Variants in SLC1A3 observed in about 807,000 individuals in gnomAD.
SLC1A3 encodes solute carrier family 1 member 3.
A neutral mutation model predicts 48.1 loss-of-function variants in SLC1A3; 21 were observed. The ratio of observed to expected loss-of-function variants is 0.44; its 90% CI spans 0.31 to 0.63. SLC1A3 has a LOEUF of 0.63. Ranked by LOEUF, SLC1A3 falls within the 20% of genes least tolerant of loss-of-function variation. SLC1A3 has a pLI of 0.08. For missense variants in SLC1A3, 546 were observed against 689.0 expected, an observed-to-expected ratio of 0.79 and a Z score of 2.32; for synonymous variants, 239 against 251.4, an observed-to-expected ratio of 0.95 and a Z score of 0.47.
intron 3 of SLC1A3, among the ~76,000 whole-genome samples, chr5:36,659,119 T>C (rs1420406221): frequency 2.0e-5 from 3 of 152,214 alleles, no homozygotes; most frequent in African/African-American, 7.2e-5. Context: ...GAAGAATTTA[T>C]TTTACAGAAA....
At chr5:36,615,213 G>A (rs1366458204) in intron 2 of SLC1A3, among the ~76,000 whole-genome samples, 1 of 152,074 alleles carries the variant, frequency 6.6e-6, no homozygotes, top group Admixed American at 6.6e-5. Flanking sequence ...CAACTAACTC[G>A]ATTTTTATGG....
At chr5:36,627,611 A>G (rs1739962026) in intron 2 of SLC1A3, among the ~76,000 whole-genome samples, 1 of 152,248 alleles carries the variant, frequency 6.6e-6, no homozygotes, top group African/African-American at 2.4e-5. Context: ...GGACAAAGTA[A>G]AGCCTGATAC....
rs146381324 is a variant in SLC1A3, at chr5:36,680,222, G to A, written c.1095-173G>A. 5.7e-4 allele frequency: 386 copies of A among 676,836 alleles called. 1 individual carries two copies. Among genetic ancestry groups the A allele is most frequent in the African/African-American group, 1.2e-3 (70 of 56,710 alleles). The allele number at this position is 676,836 out of a possible 1,614,324, so 41.9% of individuals were successfully genotyped here. ...AGCAGGAGAGCTGCCAAATGACCCC[G>A]TGAGGGGACCACACTGTTCTTAACC... On this transcript the variant is annotated intron_variant, in intron 7 of 9. Coordinates refer to ENST00000265113, the MANE Select transcript of SLC1A3 (RefSeq NM_004172.5).
intron 3 of SLC1A3, among the ~76,000 whole-genome samples, chr5:36,651,443 G>C (rs1741067241): frequency 6.6e-6 from 1 of 151,840 alleles, no homozygotes; most frequent in East Asian, 1.9e-4. Context: ...CTCAACTCTG[G>C]GCTCATTCCC....
chr5:36,597,496 C>T (rs1417759931), intron 1 of SLC1A3, among the ~76,000 whole-genome samples: 1 of 152,042 alleles, frequency 6.6e-6, no homozygotes, highest in Non-Finnish European at 1.5e-5. Flanking sequence ...CCAGCCTCGG[C>T]CTCCCAAAGT....
rs1045366809 is a variant in SLC1A3, at chr5:36,680,426, C to T, written c.1126C>T (p.Leu376=). ...SATLPITFKC[L]EENNGVDKRV... ...CACCCTACCCATCACCTTCAAGTGC[C>T]TGGAAGAGAACAATGGCGTGGACAA... The change falls in exon 8 of 10, where the codon CTG becomes TTG. Residue 376 remains leucine (L), a synonymous_variant. Coordinates refer to ENST00000265113, the MANE Select transcript of SLC1A3 (RefSeq NM_004172.5). The T allele has an allele frequency of 2.5e-6, 4 of 1,614,206 alleles. No individual in the cohort carries two copies. The highest frequency in any genetic ancestry group is 3.4e-6 in the Non-Finnish European group (4 of 1,180,030).
intron 1 of SLC1A3, 167 bp from the exon 2 acceptor site, chr5:36,608,162 G>A (rs899736083): frequency 2.2e-6 from 1 of 445,202 alleles, no homozygotes; most frequent in Non-Finnish European, 4.0e-6. Flanking sequence ...CTCACACGTG[G>A]TCCACTAAAA....
chr5:36,651,122 A>G (rs1741042584), intron 3 of SLC1A3, among the ~76,000 whole-genome samples: 1 of 139,208 alleles, frequency 7.2e-6, no homozygotes, highest in African/African-American at 2.8e-5. Flanking sequence ...ATATAAGAGT[A>G]GGGAAACTAA....
chr5:36,680,545 A>G lies in SLC1A3; in HGVS notation c.1245A>G (p.Gln415=), dbSNP rs1297115765. 2.5e-6 allele frequency: 4 copies of G among 1,614,104 alleles called. No homozygotes were observed. The highest frequency in any genetic ancestry group is 1.3e-5 in the African/African-American group (1 of 74,956). The change falls in exon 8 of 10, where the codon CAA becomes CAG. Residue 415 remains glutamine, a synonymous_variant. Coordinates refer to ENST00000265113, the MANE Select transcript of SLC1A3 (RefSeq NM_004172.5). ...YEALAAIFIA[Q]VNNFELNFGQ... ...CTTTGGCTGCCATTTTCATTGCTCA[A>G]GTTAACAACTTTGAACTGAACTTCG...
chr5:36,663,380 A>ATT (rs1156283585), intron 3 of SLC1A3, among the ~76,000 whole-genome samples: 13,079 of 69,366 alleles, frequency 0.19, 1,727 homozygotes, highest in Non-Finnish European at 0.23. Flanking sequence ...CACGCCCGGC[A>ATT]TTTTTTTTTT....
intron 2 of SLC1A3, among the ~76,000 whole-genome samples, chr5:36,620,678 T>C (rs1739626628): frequency 1.3e-5 from 2 of 152,164 alleles, no homozygotes; most frequent in South Asian, 2.1e-4. Context: ...AGGAACTGTT[T>C]GAGGGGCTTG....
chr5:36,618,219 C>T (rs1241101723), intron 2 of SLC1A3, among the ~76,000 whole-genome samples: 2 of 152,172 alleles, frequency 1.3e-5, no homozygotes, highest in Non-Finnish European at 2.9e-5. Context: ...TTGTATGTTA[C>T]ATTCAACTTT....
chr5:36,608,562 C>G lies in SLC1A3; in HGVS notation c.139C>G (p.Arg47Gly). Residue 47 changes from arginine (R) to glycine (G), a missense_variant, in exon 2 of 10, where the codon CGG (arginine) becomes GGG (glycine). Transcript: ENST00000265113. Reference protein sequence around the residue: ...TKEDVKSYLFRNAFVLLTVTA... With the variant: ...TKEDVKSYLFGNAFVLLTVTA... ...GGAGGATGTTAAAAGTTACCTGTTT[C>G]GGAATGCTTTTGTGCTGCTCACAGT... 6.2e-7 allele frequency: 1 copy of G among 1,614,016 alleles called. No individual in the cohort carries two copies. Among genetic ancestry groups the G allele is most frequent in the Non-Finnish European group, 8.5e-7 (1 of 1,179,928 alleles).
intron 3 of SLC1A3, among the ~76,000 whole-genome samples, chr5:36,659,130 A>T (rs1458659465): frequency 6.6e-6 from 1 of 152,168 alleles, no homozygotes; most frequent in East Asian, 1.9e-4. Context: ...TTTACAGAAA[A>T]TCTCCAAGAC....
chr5:36,631,930 T>C (rs1366540237), intron 3 of SLC1A3, among the ~76,000 whole-genome samples: 4 of 152,242 alleles, frequency 2.6e-5, no homozygotes, highest in Non-Finnish European at 5.9e-5. Flanking sequence ...GAGAATGTGT[T>C]GCCTAGGGAA....
At chr5:36,618,811 A>G (rs1023843856) in intron 2 of SLC1A3, among the ~76,000 whole-genome samples, 11 of 152,220 alleles carry the variant, frequency 7.2e-5, no homozygotes, top group African/African-American at 2.4e-4. Flanking sequence ...GGAAGGCAAC[A>G]AGTCCTGCTT....
rs909085936 is a variant in SLC1A3 at position 36,686,911 on chromosome 5, A to G, written c.*642A>G. 1 of 157,124 alleles carries G rather than the reference A, an allele frequency of 6.4e-6. No homozygotes were observed. The highest frequency in any genetic ancestry group is 1.4e-5 in the Non-Finnish European group (1 of 71,498). 9.7% of individuals were successfully genotyped at this position (157,124 alleles called of 1,614,324 possible). A position where few individuals can be genotyped will look rare whatever the true frequency, so the allele number is the denominator to read the frequency against. On this transcript the variant is annotated 3_prime_UTR_variant, in exon 10 of 10. Transcript: ENST00000265113. ...ATGAGGGACTTCCCTAGAAGTCTTCATGGTCTCTTCCAGCCCAGACATCCT... is the reference window on the plus strand; with the variant it reads ...ATGAGGGACTTCCCTAGAAGTCTTCGTGGTCTCTTCCAGCCCAGACATCCT...
At chr5:36,610,235 A>G (rs1415376422) in intron 2 of SLC1A3, among the ~76,000 whole-genome samples, 2 of 152,200 alleles carry the variant, frequency 1.3e-5, no homozygotes, top group Non-Finnish European at 2.9e-5. Flanking sequence ...AAGAGATGCC[A>G]GGAAGAGAAA....
chr5:36,632,278 A>G (rs981954275), intron 3 of SLC1A3, among the ~76,000 whole-genome samples: 1 of 152,214 alleles, frequency 6.6e-6, no homozygotes, highest in African/African-American at 2.4e-5. Context: ...ACAATTCACG[A>G]AACAAACCAG....
Sources: gnomAD v4.1 joint callset for allele counts (sites outside exome capture counted in the v4.1 genomes callset) on GRCh38, gnomAD v4.1.1 for gene constraint, MANE v1.5 for transcripts, NCBI Gene and HGNC (gene_info 2026-07-23, HGNC 2026-07-21) for gene names.